The following MB21D2 variants were observed in gnomAD, a reference collection of about 807,000 sequenced individuals.
The protein encoded by MB21D2 is Mab-21 domain containing 2, also known as nucleotidyltransferase MB21D2.
MB21D2 carries 9 observed loss-of-function variants against 33.3 expected under a neutral mutation model. That is an observed-to-expected ratio of 0.27 (90% confidence interval 0.16 to 0.47). The LOEUF (loss-of-function observed/expected upper bound fraction) is 0.47. MB21D2 is among the 20% of genes least tolerant of loss of function. The probability of loss-of-function intolerance (pLI) is 0.99; values close to 1 mark genes in which losing one functional copy is unlikely to be tolerated. For missense variants in MB21D2, 540 were observed against 624.6 expected (o/e 0.86, Z 1.44); for synonymous variants, 241 against 236.3 (o/e 1.02, Z -0.18).
chr3:192,906,029 G>A (rs1714209205), intron 1 of MB21D2, among the ~76,000 whole-genome samples: 1 of 152,076 alleles, frequency 6.6e-6, no homozygotes, highest in Non-Finnish European at 1.5e-5. Context: ...GGTTGCTGAG[G>A]AATAAATCAA....
At chr3:192,834,421 CAAAAAAAAA>C (rs35712980) in intron 1 of MB21D2, among the ~76,000 whole-genome samples, 2 of 127,128 alleles carry the variant, frequency 1.6e-5, no homozygotes, top group African/African-American at 5.7e-5. Flanking sequence ...CCAGTTATAT[CAAAAAAAAA>C]AAAAAAAAAG....
At chr3:192,874,070 G>A (rs1179756272) in intron 1 of MB21D2, among the ~76,000 whole-genome samples, 1 of 152,206 alleles carries the variant, frequency 6.6e-6, no homozygotes, top group Non-Finnish European at 1.5e-5. Flanking sequence ...CAATGGAAAT[G>A]AGTGGTAGTG....
At chr3:192,804,628 G>A (rs547969505) in intron 1 of MB21D2, among the ~76,000 whole-genome samples, 31 of 151,984 alleles carry the variant, frequency 2.0e-4, no homozygotes, top group African/African-American at 7.2e-4. Flanking sequence ...TCCTTTTTTA[G>A]CTCCAACTCA....
intron 1 of MB21D2, among the ~76,000 whole-genome samples, chr3:192,903,474 G>A (rs770299252): frequency 6.6e-6 from 1 of 152,066 alleles, no homozygotes; most frequent in Non-Finnish European, 1.5e-5. Flanking sequence ...TTAAATGAAG[G>A]CTTGAAAAAA....
At chr3:192,818,707 T>C (rs1711979765) in intron 1 of MB21D2, among the ~76,000 whole-genome samples, 1 of 152,216 alleles carries the variant, frequency 6.6e-6, no homozygotes. Flanking sequence ...AATGTCCTGG[T>C]TACAAAGTCA....
intron 1 of MB21D2, among the ~76,000 whole-genome samples, chr3:192,916,771 G>C (rs1714475643): frequency 6.6e-6 from 1 of 152,172 alleles, no homozygotes; most frequent in African/African-American, 2.4e-5. Flanking sequence ...AGGAGCCGTA[G>C]GTGAGGGGCT....
intron 1 of MB21D2, among the ~76,000 whole-genome samples, chr3:192,839,535 TAAG>T (rs1712523928): frequency 1.3e-5 from 2 of 152,230 alleles, no homozygotes; most frequent in South Asian, 2.1e-4. Flanking sequence ...AAGGTGACAG[TAAG>T]AAGAAATAGC....
In MB21D2 at chr3:192,917,685, G is replaced by T; in HGVS notation, c.156C>A (p.Asp52Glu). 1.2e-6 allele frequency: 2 copies of T among 1,614,134 alleles called. No homozygotes were observed. Among genetic ancestry groups the T allele is most frequent in the Non-Finnish European group, 1.7e-6 (2 of 1,180,026 alleles). Residue 52 changes from aspartate to glutamate, a missense_variant, in exon 1 of 2, where the codon GAC (aspartate) becomes GAA (glutamate). Transcript: ENST00000392452. ...TGTGAATCTCCAGCGCTCTCTGGTC[G>T]TCGTATTCCCGCTGGTCGTGCTTCG... ...EFTKHDQREY[D>E]DQRALEIHTA...
At chr3:192,810,336 G>C (rs1032009381) in intron 1 of MB21D2, among the ~76,000 whole-genome samples, 2 of 152,038 alleles carry the variant, frequency 1.3e-5, no homozygotes, top group African/African-American at 4.8e-5. Context: ...ACCTTGAATC[G>C]GTGATCTACA....
chr3:192,816,786 C>A (rs58091353), intron 1 of MB21D2, among the ~76,000 whole-genome samples: 30,502 of 151,966 alleles, frequency 0.2, 5,367 homozygotes, highest in African/African-American at 0.48. Context: ...GATACAGGCA[C>A]GCTTGAATGT....
chr3:192,842,609 C>T (rs937897977), intron 1 of MB21D2, among the ~76,000 whole-genome samples: 4 of 152,072 alleles, frequency 2.6e-5, no homozygotes, highest in African/African-American at 9.7e-5. Flanking sequence ...TAAAAGAGAA[C>T]ACATGGAAGT....
chr3:192,875,589 T>C (rs73064212), intron 1 of MB21D2, among the ~76,000 whole-genome samples: 2,969 of 152,252 alleles, frequency 0.02, 83 homozygotes, highest in African/African-American at 0.067. Flanking sequence ...GTCCCTGAAA[T>C]CTGGAATGAA....
chr3:192,854,259 T>C (rs1055324752), intron 1 of MB21D2, among the ~76,000 whole-genome samples: 1 of 152,184 alleles, frequency 6.6e-6, no homozygotes, highest in Non-Finnish European at 1.5e-5. Context: ...GCTACCCCAG[T>C]GAACACATGA....
intron 1 of MB21D2, among the ~76,000 whole-genome samples, chr3:192,847,904 A>G (rs1712708107): frequency 6.6e-6 from 1 of 152,234 alleles, no homozygotes; most frequent in African/African-American, 2.4e-5. Flanking sequence ...ATGAAGGACC[A>G]TCAAAAAAAC....
intron 1 of MB21D2, among the ~76,000 whole-genome samples, chr3:192,879,782 T>C (rs1713519832): frequency 6.6e-6 from 1 of 152,240 alleles, no homozygotes; most frequent in African/African-American, 2.4e-5. Context: ...AATGGATTTT[T>C]ATTGCAGAGA....
In MB21D2 at chr3:192,799,253, G is replaced by A. The variant is rs1257905356; in HGVS notation, c.609C>T (p.Pro203=). 6.2e-7 allele frequency: 1 copy of A among 1,614,104 alleles called. No individual in the cohort carries two copies. Among genetic ancestry groups the A allele is most frequent in the African/African-American group, 1.3e-5 (1 of 74,934 alleles). Reference sequence around the variant, plus strand: ...TTTCTACCTTTGGCATCCCTCGCTGGGGTTTCTTCTGTATTTCTGATAGGA... The same window carrying A: ...TTTCTACCTTTGGCATCCCTCGCTGAGGTTTCTTCTGTATTTCTGATAGGA... The part of the protein sequence containing the change: ...SIVLSEIQKK[P]QRGMPKVEKV... Residue 203 remains proline, a synonymous_variant, in exon 2 of 2, where the codon CCC becomes CCT. Transcript: ENST00000392452. The surrounding 1 kb of genome is among the most constrained non-coding windows in gnomAD (Gnocchi z 4.1).
intron 1 of MB21D2, among the ~76,000 whole-genome samples, chr3:192,892,271 GGAGTTCA>G (rs1012011601): frequency 1.3e-4 from 20 of 152,190 alleles, no homozygotes; most frequent in Admixed American, 1.0e-3. Context: ...CCAGTGACTG[GGAGTTCA>G]GATAATTTTG....
chr3:192,884,389 C>T (rs932126738), intron 1 of MB21D2, among the ~76,000 whole-genome samples: 11 of 151,870 alleles, frequency 7.2e-5, no homozygotes, highest in East Asian at 3.9e-4. Flanking sequence ...GTTGTTGAGA[C>T]GGAGTCTTGC....
intron 1 of MB21D2, among the ~76,000 whole-genome samples, chr3:192,897,202 G>A (rs530762103): frequency 1.6e-4 from 25 of 152,152 alleles, no homozygotes; most frequent in African/African-American, 2.9e-4. Context: ...GTTCAAAGTC[G>A]TCAAACTAGT....
Sources: allele counts gnomAD v4.1 joint callset (sites outside exome capture counted in the v4.1 genomes callset), GRCh38; gene constraint gnomAD v4.1.1; non-coding constraint Gnocchi (gnomAD v3.1); transcripts MANE v1.5; gene names NCBI Gene and HGNC (gene_info 2026-07-23, HGNC 2026-07-21).